HORMAD2: variants seen among roughly 807,000 people sequenced by gnomAD.
HORMAD2 encodes the protein HORMA domain containing 2.
HORMAD2 carries 45 observed loss-of-function variants against 38.8 expected under a neutral mutation model. That is an observed-to-expected ratio of 1.16 (90% confidence interval 0.91 to 1.49). The LOEUF (loss-of-function observed/expected upper bound fraction) is 1.49. Ranked by LOEUF, HORMAD2 falls within the 40% of genes most tolerant of loss-of-function variation. The pLI is 0.00. For missense variants in HORMAD2, 338 were observed against 367.0 expected (o/e 0.92, Z 0.65); for synonymous variants, 126 against 122.8 (o/e 1.03, Z -0.17).
At chr22:30,167,305 G>T (rs1439491000) in intron 10 of HORMAD2, among the ~76,000 whole-genome samples, 1 of 152,178 alleles carries the variant, frequency 6.6e-6, no homozygotes, top group Admixed American at 6.5e-5. Context: ...TATTACATCT[G>T]TAGAGACGCC....
intron 10 of HORMAD2, among the ~76,000 whole-genome samples, chr22:30,152,395 T>C (rs1167665008): frequency 6.6e-6 from 1 of 152,094 alleles, no homozygotes; most frequent in Non-Finnish European, 1.5e-5. Flanking sequence ...TCTTGCTTTA[T>C]TGCTTAGGCT....
At chr22:30,165,212 C>T (rs1204400617) in intron 10 of HORMAD2, among the ~76,000 whole-genome samples, 8 of 152,026 alleles carry the variant, frequency 5.3e-5, no homozygotes, top group Non-Finnish European at 1.2e-4. Flanking sequence ...ATCATTTGAC[C>T]ATATACATGA....
the HORMAD2 span, among the ~76,000 whole-genome samples, chr22:30,198,656 A>G: frequency 3.4e-3 from 515 of 152,178 alleles, 1 homozygote; most frequent in African/African-American, 0.011. Flanking sequence ...ATATCCTCTC[A>G]CTTGGGCACT....
chr22:30,142,068 A>G (rs1924118125), intron 10 of HORMAD2, among the ~76,000 whole-genome samples: 1 of 152,106 alleles, frequency 6.6e-6, no homozygotes, highest in Admixed American at 6.6e-5. Flanking sequence ...TGAGCAACAT[A>G]GTGAGACCCA....
chr22:30,110,666 G>A (rs998642358), intron 5 of HORMAD2, among the ~76,000 whole-genome samples: 2 of 151,876 alleles, frequency 1.3e-5, no homozygotes, highest in South Asian at 2.1e-4. Context: ...GATTACAGGC[G>A]TGAACCACCG....
intron 5 of HORMAD2, 114 bp from the exon 6 acceptor site, chr22:30,111,682 C>T: frequency 1.3e-6 from 1 of 788,912 alleles, no homozygotes; most frequent in South Asian, 2.1e-5. Flanking sequence ...TATTTTTTTC[C>T]TACCCAAATC....
chr22:30,156,655 C>T (rs1003718954), intron 10 of HORMAD2, among the ~76,000 whole-genome samples: 7 of 152,148 alleles, frequency 4.6e-5, no homozygotes, highest in African/African-American at 9.7e-5. Context: ...AATATTTAGT[C>T]ACAATAACAT....
chr22:30,160,614 G>A (rs889708879), intron 10 of HORMAD2, among the ~76,000 whole-genome samples: 2 of 152,132 alleles, frequency 1.3e-5, no homozygotes, highest in Non-Finnish European at 1.5e-5. Flanking sequence ...GGACTTGAAT[G>A]GTTCTGGGAT....
chr22:30,134,339 C>T (rs5763798), intron 10 of HORMAD2, among the ~76,000 whole-genome samples: 6,050 of 149,480 alleles, frequency 0.04, 354 homozygotes, highest in South Asian at 0.23. Context: ...GCGAAGGTTG[C>T]AGTGAGCCGA....
At chr22:30,103,649 A>AGTTTTT (rs1920983757) in intron 4 of HORMAD2, 149 bp downstream of exon 4, 1 of 68,234 alleles carries the variant, frequency 1.5e-5, no homozygotes, top group East Asian at 7.4e-4. Flanking sequence ...TCTGTTTTTG[A>AGTTTTT]TTTTTTTTTT....
At position 30,176,249 on chromosome 22, in the gene HORMAD2, C is replaced by A; in HGVS notation, c.*82C>A. 1 of 960,384 alleles carries A rather than the reference C, an allele frequency of 1.0e-6. No homozygotes were observed. The highest frequency in any genetic ancestry group is 1.5e-6 in the Non-Finnish European group (1 of 647,906). 59.5% of individuals were successfully genotyped at this position (960,384 alleles called of 1,614,324 possible). A position where few individuals can be genotyped will look rare whatever the true frequency, so the allele number is the denominator to read the frequency against. On this transcript the variant is annotated 3_prime_UTR_variant, in exon 11 of 11. Transcript: ENST00000336726. ...CATAAACTGTCTTAGCAGGAAAGTA[C>A]ATTCCTGTTACCAAAACCTTTTTCT...
At position 30,094,432 on chromosome 22, in the gene HORMAD2, C is replaced by A. The variant is rs188093506; in HGVS notation, c.51+429C>A. 2.4e-3 allele frequency among the ~76,000 whole-genome samples: 369 copies of A among 152,212 alleles called. 2 individuals are homozygous for A. Among genetic ancestry groups the A allele is most frequent in the African/African-American group, 8.4e-3 (351 of 41,546 alleles). ...TCTAGGGGAGCATCCCAGGGCCAGG[C>A]ATATAGTTTAGTTTGTCTCATGACA... On this transcript the variant is annotated intron_variant, in intron 2 of 10. Coordinates refer to ENST00000336726, the MANE Select transcript of HORMAD2 (RefSeq NM_152510.4).
chr22:30,101,737 A>AT (rs1417481275), intron 3 of HORMAD2, among the ~76,000 whole-genome samples: 1 of 152,138 alleles, frequency 6.6e-6, no homozygotes, highest in Admixed American at 6.6e-5. Context: ...TCTGTATTTA[A>AT]TGATATACCT....
At chr22:30,125,908 G>A (rs982314747) in intron 10 of HORMAD2, among the ~76,000 whole-genome samples, 1 of 152,140 alleles carries the variant, frequency 6.6e-6, no homozygotes, top group African/African-American at 2.4e-5. Flanking sequence ...TTTTAAGGAA[G>A]ATCTCAGGTG....
chr22:30,132,232 T>C (rs12484547), intron 10 of HORMAD2, among the ~76,000 whole-genome samples: 22,373 of 152,022 alleles, frequency 0.15, 3,457 homozygotes, highest in African/African-American at 0.38. Context: ...TGGGGTAGAT[T>C]ATTGAAAGCA....
intron 2 of HORMAD2, among the ~76,000 whole-genome samples, chr22:30,095,790 A>G (rs1165938624): frequency 3.3e-5 from 5 of 152,200 alleles, no homozygotes; most frequent in South Asian, 4.1e-4. Flanking sequence ...ACCAGCAAAC[A>G]CTTAACATTT....
At chr22:30,180,732 T>C (rs1392302075), downstream of HORMAD2, among the ~76,000 whole-genome samples, 1 of 152,062 alleles carries the variant, frequency 6.6e-6, no homozygotes, top group Non-Finnish European at 1.5e-5. Context: ...GTCCACTTTG[T>C]CTCCAGGAAC....
chr22:30,167,866 G>C (rs1390974780), intron 10 of HORMAD2, among the ~76,000 whole-genome samples: 3 of 151,996 alleles, frequency 2.0e-5, no homozygotes, highest in Non-Finnish European at 4.4e-5. Flanking sequence ...CAGAAGACTT[G>C]GGTTCAAAAC....
At chr22:30,144,241 T>A (rs924720001) in intron 10 of HORMAD2, among the ~76,000 whole-genome samples, 1 of 152,214 alleles carries the variant, frequency 6.6e-6, no homozygotes, top group Non-Finnish European at 1.5e-5. Flanking sequence ...AAATCAAATT[T>A]GGACTTCTTT....
Sources: allele counts gnomAD v4.1 joint callset (sites outside exome capture counted in the v4.1 genomes callset), GRCh38; gene constraint gnomAD v4.1.1; transcripts MANE v1.5; gene names NCBI Gene and HGNC (gene_info 2026-07-23, HGNC 2026-07-21).